The following RIMS1 variants were observed in gnomAD, a reference collection of about 807,000 sequenced individuals.
The protein encoded by RIMS1 is regulating synaptic membrane exocytosis protein 1.
In RIMS1, 83 loss-of-function variants were observed where a neutral mutation model predicts 214.1. The ratio of observed to expected loss-of-function variants is 0.39; its 90% CI spans 0.32 to 0.47. The LOEUF is 0.47. Among genes scored for constraint, RIMS1 ranks in the 20% least tolerant of loss-of-function variants. The probability of loss-of-function intolerance (pLI) is 0.99; values close to 1 mark genes in which losing one functional copy is unlikely to be tolerated. For synonymous variants in RIMS1, 793 were observed against 786.8 expected (o/e 1.01, Z -0.13); for missense variants, 2,050 against 2,161.8 (o/e 0.95, Z 1.03).
chr6:71,889,934 T>A (rs1260344285), intron 1 of RIMS1, among the ~76,000 whole-genome samples: 1 of 152,194 alleles, frequency 6.6e-6, no homozygotes, highest in Non-Finnish European at 1.5e-5. Flanking sequence ...AATACGGCAA[T>A]TAGACTTAAA....
intron 23 of RIMS1, among the ~76,000 whole-genome samples, chr6:72,275,447 C>A (rs975354623): frequency 6.6e-6 from 1 of 151,200 alleles, no homozygotes; most frequent in African/African-American, 2.4e-5. Context: ...TCAAGATATC[C>A]TCAGGATTTT....
At chr6:71,890,405 T>TGTGCGTGCATGCATGCACGCACACACAC (rs1554194747) in intron 1 of RIMS1, among the ~76,000 whole-genome samples, 12,649 of 147,772 alleles carry the variant, frequency 0.086, 630 homozygotes, top group East Asian at 0.18. Flanking sequence ...GATGTGAGTG[T>TGTGCGTGCATGCATGCACGCACACACAC]GTGTGTTCTG....
chr6:72,236,423 A>G (rs9293871), intron 8 of RIMS1, among the ~76,000 whole-genome samples: 1,609 of 152,266 alleles, frequency 0.011, 32 homozygotes, highest in African/African-American at 0.037. Flanking sequence ...CTTTATAGTC[A>G]TAGACCTACA....
At position 72,324,249 on chromosome 6, in the gene RIMS1, T is replaced by G. The variant is rs368354781; in HGVS notation, c.4131-9351T>G. Among the ~76,000 whole-genome samples, 4 of 151,952 alleles carry G rather than the reference T, an allele frequency of 2.6e-5. No individual in the cohort carries two copies. The South Asian group carries it at 8.3e-4, about 31-fold the overall frequency. ...AACATCTTGTGGTAGTTAAAACATATGTAGACGTGAAAAATATATAAAATA... is the reference window on the plus strand; with the variant it reads ...AACATCTTGTGGTAGTTAAAACATAGGTAGACGTGAAAAATATATAAAATA... On this transcript the variant is annotated intron_variant, in intron 28 of 33. Transcript: ENST00000521978.
chr6:71,917,565 C>T (rs1291097737), intron 1 of RIMS1, among the ~76,000 whole-genome samples: 3 of 152,100 alleles, frequency 2.0e-5, no homozygotes, highest in Admixed American at 6.6e-5. Context: ...AAGAAGGTCA[C>T]CTAGGGCTTG....
chr6:71,967,135 T>A (rs951808662), intron 1 of RIMS1, among the ~76,000 whole-genome samples: 1 of 152,210 alleles, frequency 6.6e-6, no homozygotes, highest in Non-Finnish European at 1.5e-5. Context: ...ACGCCTGTAG[T>A]CCCAGCACTT....
chr6:72,399,296 A>C (rs2098813390), intron 33 of RIMS1, among the ~76,000 whole-genome samples: 1 of 147,790 alleles, frequency 6.8e-6, no homozygotes, highest in Admixed American at 6.6e-5. Flanking sequence ...ATAGAGAACA[A>C]TTTTATTTTA....
At chr6:71,935,699 C>T (rs926716847) in intron 1 of RIMS1, among the ~76,000 whole-genome samples, 3 of 152,162 alleles carry the variant, frequency 2.0e-5, no homozygotes, top group Admixed American at 2.0e-4. Flanking sequence ...AAAATATGTA[C>T]AAATACGAGT....
intron 1 of RIMS1, among the ~76,000 whole-genome samples, chr6:71,953,196 C>T (rs2151155084): frequency 6.6e-6 from 1 of 152,134 alleles, no homozygotes; most frequent in African/African-American, 2.4e-5. Flanking sequence ...CCTATGTTAG[C>T]CAGGCTGGTC....
intron 4 of RIMS1, among the ~76,000 whole-genome samples, chr6:72,140,054 A>G (rs1318902487): frequency 1.3e-5 from 2 of 152,170 alleles, no homozygotes; most frequent in Non-Finnish European, 2.9e-5. Flanking sequence ...TATTTCTACT[A>G]TTATGAAAGA....
At chr6:72,304,163 T>C (rs2094918440) in intron 26 of RIMS1, among the ~76,000 whole-genome samples, 1 of 151,660 alleles carries the variant, frequency 6.6e-6, no homozygotes, top group African/African-American at 2.4e-5. Flanking sequence ...AAATAGCAAC[T>C]GGCATTTTAA....
At chr6:71,965,770 A>G (rs1234309125) in intron 1 of RIMS1, among the ~76,000 whole-genome samples, 2 of 152,178 alleles carry the variant, frequency 1.3e-5, no homozygotes, top group Non-Finnish European at 2.9e-5. Flanking sequence ...AGACTTTGCA[A>G]AAAATAAGAG....
At chr6:72,282,546 T>C (rs1456517534) in intron 23 of RIMS1, among the ~76,000 whole-genome samples, 1 of 152,164 alleles carries the variant, frequency 6.6e-6, no homozygotes, top group African/African-American at 2.4e-5. Context: ...ACATAAGGCA[T>C]GTGCCAGAAT....
At chr6:71,907,150 T>C (rs1775481560) in intron 1 of RIMS1, among the ~76,000 whole-genome samples, 1 of 152,184 alleles carries the variant, frequency 6.6e-6, no homozygotes, top group African/African-American at 2.4e-5. Context: ...AGCAGCACTT[T>C]GGAATAGATT....
intron 29 of RIMS1, among the ~76,000 whole-genome samples, chr6:72,340,364 C>T (rs1413637728): frequency 1.3e-5 from 2 of 151,866 alleles, no homozygotes; most frequent in Non-Finnish European, 2.9e-5. Flanking sequence ...TTGCCCATGC[C>T]TATGTCCTGA....
intron 28 of RIMS1, among the ~76,000 whole-genome samples, chr6:72,332,071 C>CA (rs1308410848): frequency 6.6e-6 from 1 of 151,752 alleles, no homozygotes; most frequent in East Asian, 1.9e-4. Flanking sequence ...ATATATATGA[C>CA]AACAAACTTG....
intron 6 of RIMS1, among the ~76,000 whole-genome samples, chr6:72,207,091 T>TATA: frequency 1.3e-5 from 2 of 152,362 alleles, no homozygotes; most frequent in South Asian, 4.1e-4. Context: ...AGTAGTCTGG[T>TATA]CCTATAGGCA....
chr6:72,109,473 G>A (rs1319103454), intron 4 of RIMS1, among the ~76,000 whole-genome samples: 3 of 152,104 alleles, frequency 2.0e-5, no homozygotes, highest in African/African-American at 7.2e-5. Context: ...ATTTTTTCAT[G>A]TGTTTTTTGG....
rs1281701485 is a variant in RIMS1 at position 72,200,857 on chromosome 6, T to TTTG, written c.1678+17709_1678+17710insTGT. On this transcript the variant is annotated intron_variant, in intron 6 of 33. Transcript: ENST00000521978. ...TTGAGAAGAGATTGAAAGGACACAA[T>TTTG]TGTGTGTGTGTGTGTGTGTGTGTGT... 6.9e-4 allele frequency among the ~76,000 whole-genome samples: 101 copies of TTTG among 146,256 alleles called. 1 individual carries two copies. Among genetic ancestry groups the TTTG allele is most frequent in the South Asian group, 5.1e-3 (23 of 4,470 alleles).
Sources: allele counts gnomAD v4.1 joint callset (sites outside exome capture counted in the v4.1 genomes callset), GRCh38; gene constraint gnomAD v4.1.1; transcripts MANE v1.5; gene names NCBI Gene and HGNC (gene_info 2026-07-23, HGNC 2026-07-21).